Variants in MMS22L observed in about 807,000 individuals in gnomAD.
MMS22L encodes MMS22 like, DNA repair protein.
Under a neutral mutation model 159.1 loss-of-function variants are expected in MMS22L, and 74 were observed. The ratio of observed to expected loss-of-function variants is 0.47; its 90% CI spans 0.39 to 0.56. The LOEUF (loss-of-function observed/expected upper bound fraction) is 0.56. Ranked by LOEUF, MMS22L falls within the 20% of genes least tolerant of loss-of-function variation. MMS22L has a pLI of 0.00. For missense variants in MMS22L, 1,351 were observed against 1,422.1 expected (o/e 0.95, Z 0.80); for synonymous variants, 517 against 506.9 (o/e 1.02, Z -0.27).
chr6:97,283,579 C>T (rs1446233004), upstream of MMS22L: 2 of 152,178 alleles, frequency 1.3e-5, no homozygotes, highest in Non-Finnish European at 2.9e-5. Flanking sequence ...AATGCAGATG[C>T]CTTTTGTCCA....
intron 14 of MMS22L, among the ~76,000 whole-genome samples, chr6:97,214,695 T>TG (rs1441640781): frequency 4.6e-5 from 7 of 150,608 alleles, no homozygotes; most frequent in Non-Finnish European, 7.4e-5. Context: ...GTTTTTTTTT[T>TG]TTTTTCAAAT....
chr6:97,283,241 C>G (rs2128106694), upstream of MMS22L: 1 of 152,414 alleles, frequency 6.6e-6, no homozygotes, highest in Non-Finnish European at 1.5e-5. Flanking sequence ...CAGCCCTCCC[C>G]CGGCTACCAA....
chr6:97,170,765 G>A (rs532868201), intron 19 of MMS22L, among the ~76,000 whole-genome samples: 2 of 152,302 alleles, frequency 1.3e-5, no homozygotes, highest in East Asian at 3.9e-4. Context: ...CCAGCACTTT[G>A]GGAGGCTGAG....
At chr6:97,203,289 G>T (rs775577653) in intron 14 of MMS22L, among the ~76,000 whole-genome samples, 5 of 150,784 alleles carry the variant, frequency 3.3e-5, no homozygotes, top group Non-Finnish European at 5.9e-5. Flanking sequence ...CTCACAACAG[G>T]ACTGGTTATT....
At chr6:97,254,840 A>G (rs1813619559) in intron 9 of MMS22L, 107 bp from the exon 10 acceptor site, 18 of 822,406 alleles carry the variant, frequency 2.2e-5, no homozygotes, top group Non-Finnish European at 3.0e-5. Context: ...AAGACAAAAC[A>G]CATATATAAA....
At chr6:97,235,666 C>T (rs1405210660) in intron 11 of MMS22L, among the ~76,000 whole-genome samples, 1 of 152,104 alleles carries the variant, frequency 6.6e-6, no homozygotes, top group Non-Finnish European at 1.5e-5. Context: ...TCATTGACGG[C>T]CTTCCCAGAG....
In MMS22L at chr6:97,254,828, A is replaced by G. The variant is rs1027893670; in HGVS notation, c.943-95T>C. 12 of 963,262 alleles carry G rather than the reference A, an allele frequency of 1.2e-5. No homozygotes were observed. In the African/African-American group the frequency reaches 2.0e-4, roughly 16 times the overall value. The allele number at this position is 963,262 out of a possible 1,614,324, so 59.7% of individuals were successfully genotyped here. On this transcript the variant is annotated intron_variant, in intron 9 of 24. Transcript: ENST00000683635. Reference sequence around the variant, plus strand: ...TATTTTTATAATGAAGCATATATACAAAAGACAAAACACATATATAAAACT... The same window carrying G: ...TATTTTTATAATGAAGCATATATACGAAAGACAAAACACATATATAAAACT...
At chr6:97,246,747 A>T in intron 10 of MMS22L, 57 bp from the exon 11 acceptor site, 1 of 1,231,418 alleles carries the variant, frequency 8.1e-7, no homozygotes, top group Non-Finnish European at 1.2e-6. Flanking sequence ...GCCTATATTT[A>T]AAATTAGGGT....
intron 11 of MMS22L, among the ~76,000 whole-genome samples, chr6:97,243,673 C>T (rs934898479): frequency 6.6e-6 from 1 of 151,984 alleles, no homozygotes; most frequent in African/African-American, 2.4e-5. Context: ...TGTCCTATTA[C>T]CAGAATTGTT....
At chr6:97,155,639 G>T (rs1582377973) in intron 22 of MMS22L, among the ~76,000 whole-genome samples, 1 of 152,146 alleles carries the variant, frequency 6.6e-6, no homozygotes, top group African/African-American at 2.4e-5. Flanking sequence ...CAAAGGACAT[G>T]AACTCATCCT....
chr6:97,221,210 T>C (rs1226719633), intron 14 of MMS22L, among the ~76,000 whole-genome samples: 1 of 152,114 alleles, frequency 6.6e-6, no homozygotes, highest in Non-Finnish European at 1.5e-5. Context: ...ATTTTACAAA[T>C]AAGTAAGTCA....
chr6:97,148,408 C>T (rs766951732), intron 24 of MMS22L, among the ~76,000 whole-genome samples: 1 of 152,038 alleles, frequency 6.6e-6, no homozygotes, highest in Non-Finnish European at 1.5e-5. Context: ...CAGAAGAAGG[C>T]TTCCTTATTG....
intron 14 of MMS22L, among the ~76,000 whole-genome samples, chr6:97,222,459 T>G (rs542949405): frequency 5.9e-5 from 9 of 152,230 alleles, no homozygotes; most frequent in Admixed American, 1.3e-4. Flanking sequence ...TTTAGCATTT[T>G]AGGCAAGTTC....
At chr6:97,260,628 G>C (rs1392404350) in intron 9 of MMS22L, 1 of 152,166 alleles carries the variant, frequency 6.6e-6, no homozygotes, top group African/African-American at 2.4e-5. Context: ...TCAATCTACA[G>C]TGTTGTCAGT....
Position 97,151,891 on chromosome 6 carries a change from A to T in MMS22L, c.3386-24T>A, listed in dbSNP as rs763311983. The T allele has an allele frequency of 3.2e-6, 5 of 1,577,058 alleles. No homozygotes were observed. In the Admixed American group the frequency reaches 8.4e-5, roughly 26 times the overall value. ...AACTAGAAGGAAAAATTACAGCATT[A>T]GGCACTGTGTCTGAATTGACCATCT... On this transcript the variant is annotated intron_variant, in intron 22 of 24. Coordinates refer to ENST00000683635, the MANE Select transcript of MMS22L (RefSeq NM_001350599.2).
At chr6:97,189,772 C>T (rs985848905) in intron 14 of MMS22L, among the ~76,000 whole-genome samples, 11 of 151,892 alleles carry the variant, frequency 7.2e-5, no homozygotes, top group Non-Finnish European at 1.6e-4. Flanking sequence ...CTAATATCCC[C>T]GGGAATATGC....
In MMS22L at chr6:97,146,326, T is replaced by A. The variant is rs1800925948; in HGVS notation, c.*480A>T. The A allele has an allele frequency of 6.6e-6, 1 of 152,396 alleles. No homozygotes were observed. Among genetic ancestry groups the A allele is most frequent in the East Asian group, 1.9e-4 (1 of 5,206 alleles). The allele number at this position is 152,396 out of a possible 1,614,324, so 9.4% of individuals were successfully genotyped here. Reference sequence around the variant, plus strand: ...ATAAAAAAGAAAAACAAATACACAGTCACATTTCCCAACACCTTTCCCCCA... The same window carrying A: ...ATAAAAAAGAAAAACAAATACACAGACACATTTCCCAACACCTTTCCCCCA... On this transcript the variant is annotated 3_prime_UTR_variant, in exon 25 of 25. Coordinates refer to ENST00000683635, the MANE Select transcript of MMS22L (RefSeq NM_001350599.2).
chr6:97,142,907 C>G lies in MMS22L; in HGVS notation c.*3899G>C, dbSNP rs1177577546. On this transcript the variant is annotated 3_prime_UTR_variant, in exon 25 of 25. Coordinates refer to ENST00000683635, the MANE Select transcript of MMS22L (RefSeq NM_001350599.2). ...TCTGACTCACAAATATTTTCTTATA[C>G]AGATGCTGAGGTAGAAAAAGTCAAA... 1 of 152,314 alleles carries G rather than the reference C, an allele frequency of 6.6e-6. No individual in the cohort carries two copies. The highest frequency in any genetic ancestry group is 2.1e-4 in the South Asian group (1 of 4,816). 9.4% of individuals were successfully genotyped at this position (152,314 alleles called of 1,614,324 possible).
chr6:97,151,684 T>C, intron 23 of MMS22L, 87 bp downstream of exon 23: 1 of 1,031,458 alleles, frequency 9.7e-7, no homozygotes, highest in East Asian at 2.4e-5. Context: ...ACACATTATG[T>C]TTTGGATAAT....
Sources: allele counts gnomAD v4.1 joint callset (sites outside exome capture counted in the v4.1 genomes callset), GRCh38; gene constraint gnomAD v4.1.1; transcripts MANE v1.5; gene names NCBI Gene and HGNC (gene_info 2026-07-23, HGNC 2026-07-21).